The following CNTNAP2 variants were observed in gnomAD, a reference collection of about 807,000 sequenced individuals.
CNTNAP2 encodes contactin associated protein 2, also known as contactin-associated protein-like 2.
CNTNAP2 carries 98 observed loss-of-function variants against 155.2 expected under a neutral mutation model. That is an observed-to-expected ratio of 0.63 (90% CI 0.54 to 0.75). The LOEUF (loss-of-function observed/expected upper bound fraction) is 0.75, where lower values mean the gene tolerates loss of function less well. CNTNAP2 is among the 30% of genes least tolerant of loss of function. The pLI is 0.00. For synonymous variants in CNTNAP2, 651 were observed against 631.2 expected (o/e 1.03, Z -0.47); for missense variants, 1,727 against 1,688.1 (o/e 1.02, Z -0.40).
chr7:146,349,485 T>C (rs1363949019), intron 1 of CNTNAP2, among the ~76,000 whole-genome samples: 1 of 152,180 alleles, frequency 6.6e-6, no homozygotes, highest in Non-Finnish European at 1.5e-5. Flanking sequence ...TTAATATTGT[T>C]ATGTGTGTAT....
At position 147,549,190 on chromosome 7, in the gene CNTNAP2, G is replaced by T. The variant is rs533898466; in HGVS notation, c.1778-12948G>T. Among the ~76,000 whole-genome samples, 3 of 152,266 alleles carry T rather than the reference G, an allele frequency of 2.0e-5. No individual in the cohort carries two copies. In the South Asian group the frequency reaches 6.2e-4, roughly 32 times the overall value. On this transcript the variant is annotated intron_variant, in intron 11 of 23. Transcript: ENST00000361727. ...GTATTGAATCTATAAATTACTTTGG[G>T]CAGTATGGCCATTTTCATGATAATG...
chr7:148,013,427 C>T (rs1216382814), intron 15 of CNTNAP2, among the ~76,000 whole-genome samples: 1 of 152,154 alleles, frequency 6.6e-6, no homozygotes, highest in African/African-American at 2.4e-5. Flanking sequence ...TCCTTAAAAC[C>T]TCATTCTTCC....
chr7:146,995,027 A>G (rs1341054793), intron 3 of CNTNAP2, among the ~76,000 whole-genome samples: 1 of 151,996 alleles, frequency 6.6e-6, no homozygotes, highest in Non-Finnish European at 1.5e-5. Flanking sequence ...CCACCATTCT[A>G]TTCTCTACTT....
At chr7:146,511,199 G>A (rs1250051458) in intron 1 of CNTNAP2, among the ~76,000 whole-genome samples, 1 of 152,142 alleles carries the variant, frequency 6.6e-6, no homozygotes, top group African/African-American at 2.4e-5. Flanking sequence ...CACCCAGCCA[G>A]GTTTTTCTTA....
At chr7:146,490,345 A>T (rs1023015374) in intron 1 of CNTNAP2, among the ~76,000 whole-genome samples, 65 of 152,374 alleles carry the variant, frequency 4.3e-4, no homozygotes, top group African/African-American at 1.5e-3. Context: ...AGAAAAAGGC[A>T]ATATACAAGA....
intron 2 of CNTNAP2, among the ~76,000 whole-genome samples, chr7:146,788,074 C>T (rs768192298): frequency 3.3e-5 from 5 of 152,212 alleles, no homozygotes; most frequent in Admixed American, 6.5e-5. Context: ...CTCTCAATGG[C>T]ACTGGCCACG....
intron 15 of CNTNAP2, among the ~76,000 whole-genome samples, chr7:148,097,681 A>G (rs1217952829): frequency 3.3e-5 from 5 of 152,156 alleles, no homozygotes; most frequent in Non-Finnish European, 7.4e-5. Flanking sequence ...GCTTGATTTC[A>G]TCAAGCAGTA....
At chr7:146,977,091 A>G (rs1797926685) in intron 3 of CNTNAP2, among the ~76,000 whole-genome samples, 1 of 152,208 alleles carries the variant, frequency 6.6e-6, no homozygotes, top group South Asian at 2.1e-4. Flanking sequence ...GTTATAACAA[A>G]GGCCACAGGA....
At chr7:147,462,030 C>G (rs1308079877) in intron 10 of CNTNAP2, among the ~76,000 whole-genome samples, 1 of 152,170 alleles carries the variant, frequency 6.6e-6, no homozygotes, top group Non-Finnish European at 1.5e-5. Context: ...CCTGCATACA[C>G]AATTTACCAT....
intron 9 of CNTNAP2, among the ~76,000 whole-genome samples, chr7:147,374,469 T>C (rs1201328946): frequency 4.6e-5 from 7 of 152,274 alleles, no homozygotes; most frequent in East Asian, 1.9e-4. Context: ...TTTTAGTTCA[T>C]TTTTAATAAT....
At chr7:146,955,899 C>A (rs1467127915) in intron 3 of CNTNAP2, among the ~76,000 whole-genome samples, 2 of 152,036 alleles carry the variant, frequency 1.3e-5, no homozygotes, top group African/African-American at 4.8e-5. Flanking sequence ...TTACTTACCG[C>A]AGTAAACGGT....
At chr7:147,887,556 C>A (rs796843584) in intron 13 of CNTNAP2, among the ~76,000 whole-genome samples, 3 of 152,158 alleles carry the variant, frequency 2.0e-5, no homozygotes, top group African/African-American at 7.2e-5. Context: ...ATCCTTGAGG[C>A]CTAAAATGAA....
At chr7:148,200,719 A>G (rs1042438514) in intron 18 of CNTNAP2, among the ~76,000 whole-genome samples, 2 of 152,210 alleles carry the variant, frequency 1.3e-5, no homozygotes, top group Non-Finnish European at 2.9e-5. Flanking sequence ...TTGCTTTTTT[A>G]GATCTTTCTT....
In CNTNAP2 at chr7:147,320,822, T is replaced by C. The variant is rs575332619; in HGVS notation, c.1498+20532T>C. Among the ~76,000 whole-genome samples the C allele has an allele frequency of 2.0e-5, 3 of 152,322 alleles. No individual in the cohort carries two copies. In the East Asian group the frequency reaches 5.8e-4, roughly 29 times the overall value. On this transcript the variant is annotated intron_variant, in intron 9 of 23. Transcript: ENST00000361727. Reference sequence around the variant, plus strand: ...CCTATGAGAAGCCATATCGTGATCCTATCTGAGAAGGGCATTCTGCTTTTT... The same window carrying C: ...CCTATGAGAAGCCATATCGTGATCCCATCTGAGAAGGGCATTCTGCTTTTT...
At chr7:147,497,834 A>T (rs1798737143) in intron 11 of CNTNAP2, among the ~76,000 whole-genome samples, 1 of 152,192 alleles carries the variant, frequency 6.6e-6, no homozygotes, top group Admixed American at 6.5e-5. Context: ...AAATTACCTG[A>T]AGCTAGGTGG....
At chr7:147,860,519 G>C (rs13224812) in intron 13 of CNTNAP2, among the ~76,000 whole-genome samples, 23,490 of 150,078 alleles carry the variant, frequency 0.16, 1,949 homozygotes, top group Admixed American at 0.2. Context: ...GAACCCAGGA[G>C]GCAGAGGTTG....
intron 1 of CNTNAP2, among the ~76,000 whole-genome samples, chr7:146,640,487 T>C (rs1799686584): frequency 6.6e-6 from 1 of 152,222 alleles, no homozygotes; most frequent in African/African-American, 2.4e-5. Context: ...TTCTCCTTTT[T>C]CCTTGCAATG....
chr7:146,136,065 A>G (rs191299800), intron 1 of CNTNAP2, among the ~76,000 whole-genome samples: 1 of 152,286 alleles, frequency 6.6e-6, no homozygotes, highest in Admixed American at 6.5e-5. Flanking sequence ...GCACACATTC[A>G]TTTACTAAAA....
intron 3 of CNTNAP2, among the ~76,000 whole-genome samples, chr7:146,929,216 G>A (rs1434840232): frequency 3.3e-5 from 5 of 152,136 alleles, no homozygotes; most frequent in Non-Finnish European, 7.3e-5. Context: ...CACCTCACAC[G>A]GCCGGGTACT....
Sources: allele counts gnomAD v4.1 joint callset (sites outside exome capture counted in the v4.1 genomes callset), GRCh38; gene constraint gnomAD v4.1.1; transcripts MANE v1.5; gene names NCBI Gene and HGNC (gene_info 2026-07-23, HGNC 2026-07-21).